JARID2: variants seen among roughly 807,000 people sequenced by gnomAD.
JARID2 encodes the protein jumonji and AT-rich interaction domain containing 2, also known as protein Jumonji.
In JARID2, 21 loss-of-function variants were observed where a neutral mutation model predicts 125.6. The observed-to-expected ratio is 0.17, with a 90% CI of 0.12 to 0.24. The LOEUF is 0.24. Ranked by LOEUF, JARID2 falls within the 10% of genes least tolerant of loss-of-function variation. JARID2 has a pLI of 1.00. For missense variants in JARID2, 1,303 were observed against 1,639.6 expected (o/e 0.79, Z 3.55); for synonymous variants, 736 against 661.6 (o/e 1.11, Z -1.73).
intron 4 of JARID2, among the ~76,000 whole-genome samples, chr6:15,458,430 G>A (rs924529474): frequency 4.6e-5 from 7 of 152,142 alleles, no homozygotes; most frequent in Non-Finnish European, 7.4e-5. Flanking sequence ...GGAGTTCCTC[G>A]TAAATATCCT....
At position 15,360,046 on chromosome 6, in the gene JARID2, A is replaced by G. The variant is rs554888794; in HGVS notation, c.46-14071A>G. On this transcript the variant is annotated intron_variant, in intron 1 of 17. Coordinates refer to ENST00000341776, the MANE Select transcript of JARID2 (RefSeq NM_004973.4). ...TAGCAAAACCAAAACCTCATCTCTT[A>G]TGAGTTAGGGCTTGTGATGTCAAAT... 3.7e-4 allele frequency among the ~76,000 whole-genome samples: 57 copies of G among 152,248 alleles called. No individual in the cohort carries two copies. The South Asian group carries it at 5.6e-3, about 15-fold the overall frequency.
Position 15,270,678 on chromosome 6 carries a change from G to T in JARID2, c.45+24094G>T, listed in dbSNP as rs1013305519. 2.0e-5 allele frequency among the ~76,000 whole-genome samples: 3 copies of T among 152,162 alleles called. No individual in the cohort carries two copies. The South Asian group carries it at 6.2e-4, about 31-fold the overall frequency. ...AAAAGCTGACCAGAGGCCATGCATGGTGGTTTCACCTGTAATCCCAGCACT... is the reference window on the plus strand; with the variant it reads ...AAAAGCTGACCAGAGGCCATGCATGTTGGTTTCACCTGTAATCCCAGCACT... On this transcript the variant is annotated intron_variant, in intron 1 of 17. Transcript: ENST00000341776.
chr6:15,445,505 C>T (rs1379617513), intron 3 of JARID2, among the ~76,000 whole-genome samples: 1 of 152,202 alleles, frequency 6.6e-6, no homozygotes. Flanking sequence ...AAAAGAAAGT[C>T]ACCTTCCATG....
At chr6:15,312,211 C>A (rs1420567663) in intron 1 of JARID2, among the ~76,000 whole-genome samples, 1 of 151,996 alleles carries the variant, frequency 6.6e-6, no homozygotes, top group African/African-American at 2.4e-5. Flanking sequence ...TTTGCCACCA[C>A]GCCTGGCTAA....
intron 1 of JARID2, among the ~76,000 whole-genome samples, chr6:15,309,039 C>T (rs1032377425): frequency 6.6e-6 from 1 of 152,192 alleles, no homozygotes; most frequent in African/African-American, 2.4e-5. Flanking sequence ...GGATTACTTC[C>T]TGTCTCAGCC....
At chr6:15,486,685 A>G (rs529766293) in intron 5 of JARID2, among the ~76,000 whole-genome samples, 65 of 152,322 alleles carry the variant, frequency 4.3e-4, no homozygotes, top group African/African-American at 1.4e-3. Flanking sequence ...TCAAAGTTCC[A>G]TCATCCCTTT....
At chr6:15,268,233 A>G (rs1352042767) in intron 1 of JARID2, among the ~76,000 whole-genome samples, 1 of 152,254 alleles carries the variant, frequency 6.6e-6, no homozygotes, top group African/African-American at 2.4e-5. Flanking sequence ...CTTTAAAAAC[A>G]CAGCCTAGAA....
chr6:15,366,509 C>CGGGGGGG (rs1217236890), intron 1 of JARID2, among the ~76,000 whole-genome samples: 1 of 4,874 alleles, frequency 2.1e-4, no homozygotes. Flanking sequence ...GGGTGGGGGG[C>CGGGGGGG]GGGGGGGGCG....
chr6:15,385,485 A>AT (rs1188056818), intron 2 of JARID2, among the ~76,000 whole-genome samples: 1 of 150,882 alleles, frequency 6.6e-6, no homozygotes, highest in East Asian at 1.9e-4. Flanking sequence ...ATTTATATAG[A>AT]TTTTTTAATA....
At chr6:15,319,965 CTG>C (rs1316093523) in intron 1 of JARID2, among the ~76,000 whole-genome samples, 2 of 152,212 alleles carry the variant, frequency 1.3e-5, no homozygotes, top group Non-Finnish European at 2.9e-5. Flanking sequence ...GAGCTAAGCA[CTG>C]AGATATTTCA....
Position 15,364,027 on chromosome 6 carries a change from A to G in JARID2, c.46-10090A>G, listed in dbSNP as rs569564118. Reference sequence around the variant, plus strand: ...ATTTGCATGAGATAGACAAAAATAAACTGGTGGTTTGTAATATAACATGAC... The same window carrying G: ...ATTTGCATGAGATAGACAAAAATAAGCTGGTGGTTTGTAATATAACATGAC... On this transcript the variant is annotated intron_variant, in intron 1 of 17. Coordinates refer to ENST00000341776, the MANE Select transcript of JARID2 (RefSeq NM_004973.4). Among the ~76,000 whole-genome samples, 9 of 152,262 alleles carry G rather than the reference A, an allele frequency of 5.9e-5. No individual in the cohort carries two copies. In the East Asian group the frequency reaches 1.7e-3, roughly 29 times the overall value.
At chr6:15,278,256 C>T (rs1760610079) in intron 1 of JARID2, among the ~76,000 whole-genome samples, 1 of 149,696 alleles carries the variant, frequency 6.7e-6, no homozygotes, top group African/African-American at 2.5e-5. Flanking sequence ...GAAAGGTGAG[C>T]TGGGCGCCGT....
intron 16 of JARID2, among the ~76,000 whole-genome samples, chr6:15,513,659 C>T (rs776702458): frequency 2.6e-5 from 4 of 152,220 alleles, no homozygotes; most frequent in African/African-American, 4.8e-5. Flanking sequence ...GGCCCTCCCT[C>T]GGTCCTGCAG....
At chr6:15,505,735 C>T (rs917294271) in intron 9 of JARID2, among the ~76,000 whole-genome samples, 39 of 152,280 alleles carry the variant, frequency 2.6e-4, no homozygotes, top group African/African-American at 4.1e-4. Flanking sequence ...GCCTGACACC[C>T]GGCCTGTGGT....
intron 5 of JARID2, among the ~76,000 whole-genome samples, chr6:15,473,514 G>GCCCCCCCCC (rs3841758): frequency 1.7e-4 from 6 of 35,068 alleles, no homozygotes; most frequent in Non-Finnish European, 3.7e-4. Flanking sequence ...TGATGTGCGT[G>GCCCCCCCCC]CCCCCCCCCC....
chr6:15,283,409 C>T (rs1336167848), intron 1 of JARID2, among the ~76,000 whole-genome samples: 7 of 142,374 alleles, frequency 4.9e-5, no homozygotes, highest in African/African-American at 8.0e-5. Flanking sequence ...AGCGTGATCG[C>T]GGCTTACTGC....
At chr6:15,491,878 T>C (rs1409696586) in intron 6 of JARID2, among the ~76,000 whole-genome samples, 3 of 152,238 alleles carry the variant, frequency 2.0e-5, no homozygotes, top group African/African-American at 7.2e-5. Flanking sequence ...GAATTTCTGT[T>C]ATTAAGAACA....
chr6:15,418,988 T>G (rs1310717019), intron 3 of JARID2, among the ~76,000 whole-genome samples: 1 of 152,208 alleles, frequency 6.6e-6, no homozygotes, highest in Non-Finnish European at 1.5e-5. Flanking sequence ...CGAATCTTCT[T>G]GATAGCATGC....
At position 15,511,270 on chromosome 6, in the gene JARID2, G is replaced by T. The variant is rs148255946; in HGVS notation, c.2847-26G>T. ...GGAGGCCCTTGTCAAGTCTCTGCTTGTCTCTTGTGTCTCTCAATGACCCAG... is the reference window on the plus strand; with the variant it reads ...GGAGGCCCTTGTCAAGTCTCTGCTTTTCTCTTGTGTCTCTCAATGACCCAG... On this transcript the variant is annotated intron_variant, in intron 12 of 17. Coordinates refer to ENST00000341776, the MANE Select transcript of JARID2 (RefSeq NM_004973.4). 3.3e-6 allele frequency: 5 copies of T among 1,526,914 alleles called. No homozygotes were observed. The East Asian group carries it at 1.1e-4, about 34-fold the overall frequency. The allele number at this position is 1,526,914 out of a possible 1,614,324, so 94.6% of individuals were successfully genotyped here.
Sources: allele counts gnomAD v4.1 joint callset (sites outside exome capture counted in the v4.1 genomes callset), GRCh38; gene constraint gnomAD v4.1.1; transcripts MANE v1.5; gene names NCBI Gene and HGNC (gene_info 2026-07-23, HGNC 2026-07-21).